Variants in TMEM132B observed in about 807,000 individuals in gnomAD.
The protein encoded by TMEM132B is transmembrane protein 132B.
Under a neutral mutation model 90.8 loss-of-function variants are expected in TMEM132B, and 18 were observed. That is an observed-to-expected ratio of 0.20 (90% CI 0.14 to 0.29). The LOEUF is 0.29. Among genes scored for constraint, TMEM132B ranks in the 10% least tolerant of loss-of-function variants. The pLI, the probability that TMEM132B is intolerant of heterozygous loss-of-function variation, is 1.00. For synonymous variants in TMEM132B, 504 were observed against 523.3 expected (o/e 0.96, Z 0.50); for missense variants, 1,096 against 1,326.8 (o/e 0.83, Z 2.70).
chr12:125,542,108 T>C (rs1327318569), intron 4 of TMEM132B, among the ~76,000 whole-genome samples: 1 of 145,234 alleles, frequency 6.9e-6, no homozygotes, highest in Non-Finnish European at 1.5e-5. Context: ...GCAAAGCCAC[T>C]CTGGGAAGCA....
At chr12:125,221,691 C>T (rs1873562115) in intron 1 of TMEM132B, among the ~76,000 whole-genome samples, 1 of 152,128 alleles carries the variant, frequency 6.6e-6, no homozygotes, top group Admixed American at 6.5e-5. Flanking sequence ...ACTGGCCTAC[C>T]TAAAACAAAG....
intron 1 of TMEM132B, among the ~76,000 whole-genome samples, chr12:125,222,097 G>A (rs1873572029): frequency 6.6e-6 from 1 of 152,118 alleles, no homozygotes; most frequent in Non-Finnish European, 1.5e-5. Context: ...TGCTGTCAAG[G>A]CCCAAGTATT....
intron 1 of TMEM132B, among the ~76,000 whole-genome samples, chr12:125,298,371 G>A (rs1012622945): frequency 3.3e-5 from 4 of 120,374 alleles, no homozygotes; most frequent in African/African-American, 9.5e-5. Flanking sequence ...TGTAGGAAAC[G>A]TTCCTCAAGA....
chr12:125,317,642 G>T (rs1477296224), intron 1 of TMEM132B, among the ~76,000 whole-genome samples: 2 of 152,008 alleles, frequency 1.3e-5, no homozygotes, highest in Non-Finnish European at 2.9e-5. Context: ...CAGCTTAGTG[G>T]AGTCTCCCGC....
At chr12:125,573,548 A>C (rs1295422077) in intron 4 of TMEM132B, among the ~76,000 whole-genome samples, 1 of 152,220 alleles carries the variant, frequency 6.6e-6, no homozygotes, top group African/African-American at 2.4e-5. Context: ...ACATAGTCAA[A>C]ATAATGTGCC....
chr12:125,239,964 G>A (rs370001367), intron 1 of TMEM132B, among the ~76,000 whole-genome samples: 6 of 152,326 alleles, frequency 3.9e-5, no homozygotes, highest in Admixed American at 2.0e-4. Context: ...TGGTTGTGGC[G>A]TGATTTTGGA....
chr12:125,483,629 A>C (rs999483219), intron 3 of TMEM132B, among the ~76,000 whole-genome samples: 5 of 152,234 alleles, frequency 3.3e-5, no homozygotes, highest in African/African-American at 1.2e-4. Flanking sequence ...AAACAGAGGC[A>C]TGAGCAAGAA....
At chr12:125,522,803 T>C (rs959713422) in intron 4 of TMEM132B, among the ~76,000 whole-genome samples, 3 of 152,162 alleles carry the variant, frequency 2.0e-5, no homozygotes, top group African/African-American at 7.2e-5. Context: ...GTCAACCCTT[T>C]CCTCCCAAAC....
At chr12:125,644,409 C>T (rs753727173) in intron 6 of TMEM132B, 128 bp downstream of exon 6, 1 of 1,001,666 alleles carries the variant, frequency 1.0e-6, no homozygotes, top group Non-Finnish European at 1.4e-6. Flanking sequence ...GTGGTCTGGG[C>T]TTTGGGTTCA....
In TMEM132B at chr12:125,302,582, C is replaced by T. The variant is rs558498284; in HGVS notation, c.68-46870C>T. ...AGCTGGATTTGAACCCAGGCCTGCC[C>T]GAATCTAAAGTCTGGGATGGGACTC... On this transcript the variant is annotated intron_variant, in intron 1 of 8. Transcript: ENST00000682704. 7.2e-5 allele frequency among the ~76,000 whole-genome samples: 11 copies of T among 152,240 alleles called. 1 individual carries two copies. The highest frequency in any genetic ancestry group is 1.9e-4 in the East Asian group (1 of 5,186).
intron 2 of TMEM132B, among the ~76,000 whole-genome samples, chr12:125,388,369 C>T (rs1593117719): frequency 6.6e-6 from 1 of 152,276 alleles, no homozygotes; most frequent in Middle Eastern, 3.4e-3. Flanking sequence ...GCAGAGGTTG[C>T]AGTGAGCCAA....
chr12:125,535,332 T>C (rs964430712), intron 4 of TMEM132B, among the ~76,000 whole-genome samples: 5 of 152,150 alleles, frequency 3.3e-5, no homozygotes, highest in African/African-American at 4.8e-5. Flanking sequence ...GGGGAAAAGA[T>C]GAATCAAGTT....
In TMEM132B at chr12:125,542,530, C is replaced by T. The variant is rs185304467; in HGVS notation, c.1293+22905C>T. 3.9e-4 allele frequency among the ~76,000 whole-genome samples: 59 copies of T among 152,320 alleles called. 1 individual carries two copies. Among genetic ancestry groups the T allele is most frequent in the Non-Finnish European group, 7.6e-4 (52 of 68,030 alleles). On this transcript the variant is annotated intron_variant, in intron 4 of 8. Coordinates refer to ENST00000682704, the MANE Select transcript of TMEM132B (RefSeq NM_001366854.1). ...CTTTCCTTTCAGTCCCAGGCACCCA[C>T]CATGGTGCTTTCTGCCTCTGTGATT...
intron 3 of TMEM132B, among the ~76,000 whole-genome samples, chr12:125,456,274 G>C (rs575717224): frequency 1.6e-4 from 25 of 152,344 alleles, no homozygotes; most frequent in Non-Finnish European, 2.1e-4. Context: ...TGTGCTTCTG[G>C]TTTTATAAAG....
At chr12:125,500,001 C>T (rs10846904) in intron 3 of TMEM132B, among the ~76,000 whole-genome samples, 81,558 of 145,832 alleles carry the variant, frequency 0.56, 22,248 homozygotes, top group Middle Eastern at 0.68. Flanking sequence ...AACCTACCCC[C>T]ACCCTCACTA....
At chr12:125,226,083 G>A (rs541515134) in intron 1 of TMEM132B, among the ~76,000 whole-genome samples, 13 of 152,360 alleles carry the variant, frequency 8.5e-5, no homozygotes, top group African/African-American at 2.4e-4. Flanking sequence ...GTGTCCTTGT[G>A]TGTACCTCTT....
intron 1 of TMEM132B, among the ~76,000 whole-genome samples, chr12:125,336,114 C>T (rs901910197): frequency 1.3e-5 from 2 of 152,232 alleles, no homozygotes; most frequent in African/African-American, 4.8e-5. Flanking sequence ...CATCACCCCT[C>T]TTCCAATTCC....
In TMEM132B at chr12:125,427,196, CTT is replaced by C. The variant is rs138397332; in HGVS notation, c.1106+11521_1106+11522del. 7.3e-3 allele frequency among the ~76,000 whole-genome samples: 1,116 copies of C among 152,310 alleles called. 16 individuals are homozygous for C. Among genetic ancestry groups the C allele is most frequent in the African/African-American group, 0.024 (1,016 of 41,566 alleles). On this transcript the variant is annotated intron_variant, in intron 3 of 8. Coordinates refer to ENST00000682704, the MANE Select transcript of TMEM132B (RefSeq NM_001366854.1). ...GGAGGGTGCATCTGGATGGGTGCCT[CTT>C]TGAGCAGTCTATGCAAAGAGGGAGG...
At chr12:125,591,439 C>T (rs1885316006) in intron 5 of TMEM132B, among the ~76,000 whole-genome samples, 1 of 152,152 alleles carries the variant, frequency 6.6e-6, no homozygotes, top group Non-Finnish European at 1.5e-5. Context: ...ATCGCCTTCT[C>T]TGACTCTGAC....
Sources: gnomAD v4.1 joint callset for allele counts (sites outside exome capture counted in the v4.1 genomes callset) on GRCh38, gnomAD v4.1.1 for gene constraint, MANE v1.5 for transcripts, NCBI Gene and HGNC (gene_info 2026-07-23, HGNC 2026-07-21) for gene names.